ATG2B: variants seen among roughly 807,000 people sequenced by gnomAD.
ATG2B encodes autophagy related 2B.
Under a neutral mutation model 241.3 loss-of-function variants are expected in ATG2B, and 121 were observed. The ratio of observed to expected loss-of-function variants is 0.50; its 90% confidence interval spans 0.43 to 0.58. The LOEUF is 0.58. Ranked by LOEUF, ATG2B falls within the 20% of genes least tolerant of loss-of-function variation. The probability of loss-of-function intolerance (pLI) is 0.00; values close to 1 mark genes in which losing one functional copy is unlikely to be tolerated. For synonymous variants in ATG2B, 858 were observed against 876.6 expected (o/e 0.98, Z 0.37); for missense variants, 2,306 against 2,491.6 (o/e 0.93, Z 1.59).
chr14:96,357,402 C>T (rs72704902), intron 1 of ATG2B, among the ~76,000 whole-genome samples: 30,733 of 152,146 alleles, frequency 0.2, 3,871 homozygotes, highest in Non-Finnish European at 0.27. Flanking sequence ...TCTGATAACT[C>T]CCATATCTTT....
chr14:96,362,989 C>T lies in ATG2B; in HGVS notation c.-13G>A, dbSNP rs1035282013. ...ACGGCCAAGGCATAGTGACTGCTGG[C>T]AGCTGGGCTGACTGCGGCTGCGGGT... On this transcript the variant is annotated 5_prime_UTR_variant, in exon 1 of 42. Coordinates refer to ENST00000359933, the MANE Select transcript of ATG2B (RefSeq NM_018036.7). The T allele has an allele frequency of 1.9e-6, 3 of 1,612,830 alleles. No homozygotes were observed. In the African/African-American group the frequency reaches 4.0e-5, roughly 21 times the overall value.
At chr14:96,310,240 G>T (rs1887113337) in intron 28 of ATG2B, among the ~76,000 whole-genome samples, 1 of 152,160 alleles carries the variant, frequency 6.6e-6, no homozygotes, top group Non-Finnish European at 1.5e-5. Context: ...AGTAGGCGGG[G>T]TGTCATAAAT....
Position 96,302,144 on chromosome 14 carries a change from A to T in ATG2B, c.5038-36T>A. On this transcript the variant is annotated intron_variant, in intron 33 of 41. Transcript: ENST00000359933. ...AGAAAGAGAATAACATTTTTCCCCAATAATATGATGACCTTCTTCTCTTTA... is the reference window on the plus strand; with the variant it reads ...AGAAAGAGAATAACATTTTTCCCCATTAATATGATGACCTTCTTCTCTTTA... 3.1e-6 allele frequency: 4 copies of T among 1,302,208 alleles called. 1 individual carries two copies. The highest frequency in any genetic ancestry group is 3.7e-4 in the Middle Eastern group (2 of 5,426). The allele number at this position is 1,302,208 out of a possible 1,614,324, so 80.7% of individuals were successfully genotyped here.
chr14:96,323,978 CT>C lies in ATG2B; in HGVS notation c.2457del (p.Gly820GlufsTer14). The C allele has an allele frequency of 6.2e-7, 1 of 1,603,876 alleles. No individual in the cohort carries two copies. On this transcript the variant is annotated frameshift_variant, in exon 16 of 42. Coordinates refer to ENST00000359933, the MANE Select transcript of ATG2B (RefSeq NM_018036.7). LOFTEE classifies it high-confidence loss of function. ...TGGAAAAACTTAATAGATGGATCTCCTTTCTCTTCCTGGAACGATCCTAAAA... is the reference window on the plus strand; with the variant it reads ...TGGAAAAACTTAATAGATGGATCTCCTTCTCTTCCTGGAACGATCCTAAAA... ...RELIGSFQEE[K>X]GDPSIKFFHV... is the part of the protein sequence containing the mutation.
rs778406411 is a variant in ATG2B, at chr14:96,345,375, A to T, written c.336T>A (p.Ser112=). The T allele has an allele frequency of 6.9e-6, 11 of 1,599,468 alleles. No homozygotes were observed. In the South Asian group the frequency reaches 1.0e-4, roughly 15 times the overall value. ...TAAAACTTGACCAATACATAGGCTCAGAACCAGTTGCTGTGGAAAATATAA... is the reference window on the plus strand; with the variant it reads ...TAAAACTTGACCAATACATAGGCTCTGAACCAGTTGCTGTGGAAAATATAA... ...FRPRPRPATG[S]EPMYWSSFMT... The change falls in exon 3 of 42, where the codon TCT becomes TCA. Residue 112 remains serine, a synonymous_variant. Transcript: ENST00000359933.
intron 1 of ATG2B, among the ~76,000 whole-genome samples, chr14:96,361,177 A>G (rs958546142): frequency 6.6e-6 from 1 of 152,214 alleles, no homozygotes; most frequent in East Asian, 1.9e-4. Flanking sequence ...CATTTTGCCA[A>G]TGATTCTGAA....
At chr14:96,332,242 C>T in intron 10 of ATG2B, 63 bp downstream of exon 10, 1 of 1,278,912 alleles carries the variant, frequency 7.8e-7, no homozygotes. Flanking sequence ...AGAAAAGCAC[C>T]AGTAGAATGG....
rs748884900 is a variant in ATG2B at position 96,317,132 on chromosome 14, T to C, written c.3210+13A>G. Reference sequence around the variant, plus strand: ...ATACATTTGAAAAAACACTTCGGATTTGTAAACCTCACCTTCACATCTGTG... The same window carrying C: ...ATACATTTGAAAAAACACTTCGGATCTGTAAACCTCACCTTCACATCTGTG... On this transcript the variant is annotated intron_variant, in intron 20 of 41. Transcript: ENST00000359933. 19 of 1,590,780 alleles carry C rather than the reference T, an allele frequency of 1.2e-5. No individual in the cohort carries two copies. The highest frequency in any genetic ancestry group is 3.4e-5 in the South Asian group (3 of 87,504).
At chr14:96,348,208 T>C (rs1417006784) in intron 1 of ATG2B, among the ~76,000 whole-genome samples, 2 of 152,328 alleles carry the variant, frequency 1.3e-5, no homozygotes, top group African/African-American at 4.8e-5. Flanking sequence ...CTAGAGGTCA[T>C]TATGTTATAT....
chr14:96,307,887 T>G (rs1486636158), intron 29 of ATG2B, among the ~76,000 whole-genome samples: 2 of 152,018 alleles, frequency 1.3e-5, no homozygotes, highest in African/African-American at 4.8e-5. Context: ...CATTACATAT[T>G]AAGAGTCACT....
intron 1 of ATG2B, among the ~76,000 whole-genome samples, chr14:96,354,712 T>C (rs77574609): frequency 0.2 from 30,644 of 152,218 alleles, 3,863 homozygotes; most frequent in Non-Finnish European, 0.27. Flanking sequence ...TCTTCCATAA[T>C]GGTTAAACTA....
chr14:96,293,598 T>C (rs1466448198), intron 36 of ATG2B, among the ~76,000 whole-genome samples: 1 of 152,248 alleles, frequency 6.6e-6, no homozygotes, highest in Non-Finnish European at 1.5e-5. Flanking sequence ...ATCTGTGTTC[T>C]AGTTGTGCCT....
chr14:96,299,032 G>T (rs1280494), intron 34 of ATG2B, among the ~76,000 whole-genome samples: 5,741 of 152,208 alleles, frequency 0.038, 307 homozygotes, highest in East Asian at 0.23. Flanking sequence ...AGTGTTAAAA[G>T]AATTCCTTTT....
chr14:96,280,338 T>C lies in ATG2B; in HGVS notation c.*5417A>G, dbSNP rs972335212. Reference sequence around the variant, plus strand: ...AACCATGTGACGGTGAGCAAGTTTCTTGACCTCTCTGAACCTGTCTCCTCA... The same window carrying C: ...AACCATGTGACGGTGAGCAAGTTTCCTGACCTCTCTGAACCTGTCTCCTCA... On this transcript the variant is annotated 3_prime_UTR_variant, in exon 42 of 42. Transcript: ENST00000359933. The C allele has an allele frequency of 9.9e-5, 15 of 152,264 alleles. No individual in the cohort carries two copies. The highest frequency in any genetic ancestry group is 3.6e-4 in the African/African-American group (15 of 41,462). The allele number at this position is 152,264 out of a possible 1,614,324, so 9.4% of individuals were successfully genotyped here.
At chr14:96,354,188 A>G (rs2139908235) in intron 1 of ATG2B, among the ~76,000 whole-genome samples, 1 of 152,314 alleles carries the variant, frequency 6.6e-6, no homozygotes, top group Non-Finnish European at 1.5e-5. Flanking sequence ...GGTTTGTTAC[A>G]TACGTAAATG....
At chr14:96,338,328 T>G (rs1887920201) in intron 6 of ATG2B, among the ~76,000 whole-genome samples, 1 of 152,172 alleles carries the variant, frequency 6.6e-6, no homozygotes, top group Non-Finnish European at 1.5e-5. Context: ...CTATGTTGAA[T>G]AGAAGTGGTG....
intron 23 of ATG2B, among the ~76,000 whole-genome samples, chr14:96,313,875 C>A (rs574153567): frequency 6.6e-6 from 1 of 152,134 alleles, no homozygotes; most frequent in African/African-American, 2.4e-5. Flanking sequence ...GAACAATTCT[C>A]AGAAAAAATA....
intron 29 of ATG2B, among the ~76,000 whole-genome samples, 192 bp downstream of exon 29, chr14:96,309,260 TG>T: frequency 6.6e-6 from 1 of 152,338 alleles, no homozygotes; most frequent in East Asian, 1.9e-4. Context: ...CTACTCACTC[TG>T]CATTCCCGAC....
rs1887734195 is a variant in ATG2B, at chr14:96,331,572, C to T, written c.1534G>A (p.Gly512Arg). 3.7e-6 allele frequency: 6 copies of T among 1,613,956 alleles called. No homozygotes were observed. The highest frequency in any genetic ancestry group is 1.7e-5 in the Admixed American group (1 of 60,004). Residue 512 changes from glycine to arginine, a missense_variant, in exon 11 of 42, where the codon GGA becomes AGA. Physicochemically the swap from Gly to Arg is moderately radical, Grantham distance 125 (BLOSUM62 -2). Coordinates refer to ENST00000359933, the MANE Select transcript of ATG2B (RefSeq NM_018036.7). ...RPELIFRLAV[G>R]TFSISVLHID... ...TGAAGCACAGAGATTGAAAAAGTTC[C>T]CACAGCTAGTCTAAAAATAAGTTCA...
Sources: gnomAD v4.1 joint callset for allele counts (sites outside exome capture counted in the v4.1 genomes callset) on GRCh38, gnomAD v4.1.1 for gene constraint, MANE v1.5 for transcripts, NCBI Gene and HGNC (gene_info 2026-07-23, HGNC 2026-07-21) for gene names.